PRPF8: variants seen among roughly 807,000 people sequenced by gnomAD.
The protein encoded by PRPF8 is pre-mRNA-processing-splicing factor 8.
A neutral mutation model predicts 285.9 loss-of-function variants in PRPF8; 64 were observed. The ratio of observed to expected loss-of-function variants is 0.22; its 90% CI spans 0.18 to 0.28. The LOEUF is 0.28. Ranked by LOEUF, PRPF8 falls within the 10% of genes least tolerant of loss-of-function variation. The pLI is 1.00. For synonymous variants in PRPF8, 1,325 were observed against 1,118.2 expected (o/e 1.18, Z -3.69); for missense variants, 1,426 against 3,026.7 (o/e 0.47, Z 12.41).
intron 24 of PRPF8, among the ~76,000 whole-genome samples, chr17:1,668,792 T>G (rs1003478512): frequency 6.6e-6 from 1 of 152,118 alleles, no homozygotes; most frequent in African/African-American, 2.4e-5. Context: ...AGTAGCTGGG[T>G]GATTCTGGGA....
intron 8 of PRPF8, 156 bp downstream of exon 8, chr17:1,680,570 A>G: frequency 1.3e-6 from 1 of 746,406 alleles, no homozygotes; most frequent in Non-Finnish European, 2.4e-6. Flanking sequence ...CATGTTTTAA[A>G]GCAAATGCTG....
Position 1,661,433 on chromosome 17 carries a change from A to C in PRPF8, c.4203-27T>G. 6.2e-7 allele frequency: 1 copy of C among 1,614,128 alleles called. No individual in the cohort carries two copies. The highest frequency in any genetic ancestry group is 1.1e-5 in the South Asian group (1 of 91,092). On this transcript the variant is annotated intron_variant, in intron 26 of 42. Coordinates refer to ENST00000304992, the MANE Select transcript of PRPF8 (RefSeq NM_006445.4). This position sits in a 1 kb window ranked among gnomAD's most constrained non-coding sequence, Gnocchi z 7.3. The stretch of plus-strand genomic sequence containing the variant: ...TTCCAAAAAAAGAAAGATTCAAGTC[A>C]AAACGTGATCTCATATGAGGAGCTC...
In PRPF8 at chr17:1,655,307, C is replaced by T. The variant is rs766132539; in HGVS notation, c.5987+43G>A. On this transcript the variant is annotated intron_variant, in intron 37 of 42. Transcript: ENST00000304992. ...GTGCTTCCAAAAAACCCCAGAAAACCGTATATAGACCTCCTGTCTGTGTCC... is the reference window on the plus strand; with the variant it reads ...GTGCTTCCAAAAAACCCCAGAAAACTGTATATAGACCTCCTGTCTGTGTCC... The T allele has an allele frequency of 4.9e-5, 79 of 1,608,444 alleles. 3 individuals are homozygous for T. In the South Asian group the frequency reaches 5.7e-4, roughly 12 times the overall value.
chr17:1,652,130 G>T (rs1911112210), intron 39 of PRPF8: 1 of 425,252 alleles, frequency 2.4e-6, no homozygotes, highest in Non-Finnish European at 4.4e-6. Context: ...ACCAGCACTT[G>T]GTGCTATTTT....
At position 1,655,388 on chromosome 17, in the gene PRPF8, G is replaced by C; in HGVS notation, c.5949C>G (p.Leu1983=). 6.2e-7 allele frequency: 1 copy of C among 1,613,852 alleles called. No individual in the cohort carries two copies. The highest frequency in any genetic ancestry group is 8.5e-7 in the Non-Finnish European group (1 of 1,180,030). ...CGTAGTCAGCCAAGATCAGATCCTT[G>C]AGCTGCACCTCGACCTTGATCCATT... The part of the protein sequence containing the change: ...DEEWIKVEVQ[L]KDLILADYGK... The change falls in exon 37 of 43, where the codon CTC becomes CTG. Residue 1983 remains leucine (L), a synonymous_variant. Coordinates refer to ENST00000304992, the MANE Select transcript of PRPF8 (RefSeq NM_006445.4).
rs1337184695 is a variant in PRPF8 at position 1,677,611 on chromosome 17, A to G, written c.1938T>C (p.Pro646=). Residue 646 remains proline (P), a synonymous_variant, in exon 14 of 43, where the codon CCT becomes CCC. Coordinates refer to ENST00000304992, the MANE Select transcript of PRPF8 (RefSeq NM_006445.4). ...VWLFFMRGIT[P]LLERWLGNLL... The stretch of plus-strand genomic sequence containing the variant: ...GGTTGCCAAGCCATCGCTCTAATAA[A>G]GGGGTAATGCCACGCATGAAAAAGA... The G allele has an allele frequency of 6.2e-7, 1 of 1,613,912 alleles. No homozygotes were observed. Among genetic ancestry groups the G allele is most frequent in the East Asian group, 2.2e-5 (1 of 44,886 alleles).
rs771098067 is a variant in PRPF8, at chr17:1,680,845, A to C, written c.993-14T>G. 3 of 1,614,044 alleles carry C rather than the reference A, an allele frequency of 1.9e-6. No individual in the cohort carries two copies. Among genetic ancestry groups the C allele is most frequent in the Non-Finnish European group, 2.5e-6 (3 of 1,179,920 alleles). On this transcript the variant is annotated splice_polypyrimidine_tract_variant and intron_variant, in intron 7 of 42. Coordinates refer to ENST00000304992, the MANE Select transcript of PRPF8 (RefSeq NM_006445.4). ...GGAGTATGGTACCTAAAATGAAAGG[A>C]AGAGTCAGCCAAAGTTTTCCCGCCC...
intron 30 of PRPF8, 37 bp from the exon 31 acceptor site, chr17:1,660,038 G>T: frequency 6.2e-7 from 1 of 1,603,126 alleles, no homozygotes. Context: ...ACTTGTTAAG[G>T]AAGCCCAATT....
At chr17:1,656,348 A>C in intron 36 of PRPF8, 44 bp downstream of exon 36, 2 of 1,613,062 alleles carry the variant, frequency 1.2e-6, no homozygotes, top group Non-Finnish European at 1.7e-6. Context: ...CCTAACCCTA[A>C]ACCCGCTCCT....
chr17:1,677,538 A>C (rs1912668905), intron 14 of PRPF8, 27 bp downstream of exon 14: 1 of 1,613,818 alleles, frequency 6.2e-7, no homozygotes, highest in Non-Finnish European at 8.5e-7. Flanking sequence ...ATAACAGGAG[A>C]AGTTGGACAC....
rs1567688638 is a variant in PRPF8, at chr17:1,675,904, G to GA, written c.2679+23dup. On this transcript the variant is annotated intron_variant, in intron 18 of 42. Transcript: ENST00000304992. The surrounding 1 kb of genome is among the most constrained non-coding windows in gnomAD (Gnocchi z 6.0). ...CTGCTACCTTTGGTAGAACCAAAAA[G>GA]AAAACTTGGGAGGCCTCACTCACCT... The GA allele has an allele frequency of 5.0e-6, 8 of 1,614,118 alleles. No homozygotes were observed. Among genetic ancestry groups the GA allele is most frequent in the African/African-American group, 1.3e-5 (1 of 75,036 alleles).
Position 1,651,825 on chromosome 17 carries a change from A to C in PRPF8, c.6370-37T>G. On this transcript the variant is annotated intron_variant, in intron 39 of 42. Coordinates refer to ENST00000304992, the MANE Select transcript of PRPF8 (RefSeq NM_006445.4). This position sits in a 1 kb window ranked among gnomAD's most constrained non-coding sequence, Gnocchi z 5.1. ...GGGGTCAGGAACCAAAACTCTTCTT[A>C]GTACCAGGTCAGAGTTGGAGCTGCC... 3.7e-6 allele frequency: 6 copies of C among 1,610,738 alleles called. No individual in the cohort carries two copies. The highest frequency in any genetic ancestry group is 2.2e-5 in the East Asian group (1 of 44,872).
At position 1,661,239 on chromosome 17, in the gene PRPF8, T is replaced by G; in HGVS notation, c.4338+32A>C. 1 of 1,614,178 alleles carries G rather than the reference T, an allele frequency of 6.2e-7. No individual in the cohort carries two copies. Among genetic ancestry groups the G allele is most frequent in the Non-Finnish European group, 8.5e-7 (1 of 1,180,028 alleles). On this transcript the variant is annotated intron_variant, in intron 27 of 42. Coordinates refer to ENST00000304992, the MANE Select transcript of PRPF8 (RefSeq NM_006445.4). This position sits in a 1 kb window ranked among gnomAD's most constrained non-coding sequence, Gnocchi z 7.3. The stretch of plus-strand genomic sequence containing the variant: ...TTTCGGGGATAGCCATGGATTTTCC[T>G]GACTCAGGGAAAATCTGCTCCCTCT...
intron 24 of PRPF8, among the ~76,000 whole-genome samples, chr17:1,666,540 C>A (rs1179062902): frequency 7.4e-6 from 1 of 135,152 alleles, no homozygotes; most frequent in Non-Finnish European, 1.6e-5. Flanking sequence ...CATAGAGACC[C>A]CATCTCAAAA....
chr17:1,667,047 C>T (rs1313011684), intron 24 of PRPF8, among the ~76,000 whole-genome samples: 3 of 152,098 alleles, frequency 2.0e-5, no homozygotes, highest in Non-Finnish European at 4.4e-5. Flanking sequence ...GTGGCAGGCA[C>T]CTGTAATCCC....
At chr17:1,682,065 T>C in intron 4 of PRPF8, 27 bp from the exon 5 acceptor site, 2 of 1,613,526 alleles carry the variant, frequency 1.2e-6, no homozygotes, top group Non-Finnish European at 1.7e-6. Context: ...CACACAACCA[T>C]TTCTACCCAC....
intron 36 of PRPF8, 84 bp from the exon 37 acceptor site, chr17:1,655,627 AT>A (rs559662357): frequency 0.025 from 24,105 of 951,766 alleles, 3 homozygotes; most frequent in Non-Finnish European, 0.027. Context: ...AAACCCAAGA[AT>A]TTTTTTTTTT....
Position 1,651,374 on chromosome 17 carries a change from C to T in PRPF8, c.6650+40G>A, listed in dbSNP as rs1332981637. The T allele has an allele frequency of 6.2e-7, 1 of 1,614,068 alleles. No individual in the cohort carries two copies. Among genetic ancestry groups the T allele is most frequent in the Non-Finnish European group, 8.5e-7 (1 of 1,180,010 alleles). ...CTGTTCTGGGCCCTGGCCTGCAATC[C>T]CTGCCCCACCATACTTCCTCCCAAG... On this transcript the variant is annotated intron_variant, in intron 41 of 42. Transcript: ENST00000304992. The surrounding 1 kb of genome is among the most constrained non-coding windows in gnomAD (Gnocchi z 5.1).
intron 24 of PRPF8, among the ~76,000 whole-genome samples, chr17:1,671,720 A>G (rs1032414771): frequency 2.6e-5 from 4 of 151,836 alleles, no homozygotes; most frequent in Non-Finnish European, 4.4e-5. Flanking sequence ...GCGTGGTGGC[A>G]GGCGCCTGTA....
Sources: allele counts gnomAD v4.1 joint callset (sites outside exome capture counted in the v4.1 genomes callset), GRCh38; gene constraint gnomAD v4.1.1; non-coding constraint Gnocchi (gnomAD v3.1); transcripts MANE v1.5; gene names NCBI Gene and HGNC (gene_info 2026-07-23, HGNC 2026-07-21).